The following SEMA6D variants were observed in gnomAD, a reference collection of about 807,000 sequenced individuals.
SEMA6D encodes the protein semaphorin 6D.
In SEMA6D, 35 loss-of-function variants were observed where a neutral mutation model predicts 106.6. The observed-to-expected ratio is 0.33, with a 90% CI of 0.25 to 0.44. The LOEUF (loss-of-function observed/expected upper bound fraction) is 0.44. SEMA6D is among the 20% of genes least tolerant of loss of function. The pLI is 1.00. For missense variants in SEMA6D, 1,185 were observed against 1,345.9 expected (o/e 0.88, Z 1.87); for synonymous variants, 499 against 487.7 (o/e 1.02, Z -0.31).
chr15:47,195,181 G>GA (rs1363777947), intron 1 of SEMA6D, among the ~76,000 whole-genome samples: 2 of 151,936 alleles, frequency 1.3e-5, no homozygotes, highest in Non-Finnish European at 2.9e-5. Flanking sequence ...GGACAGTGGA[G>GA]AAAAAAAGAG....
At chr15:47,274,514 C>A (rs1484191938) in intron 1 of SEMA6D, among the ~76,000 whole-genome samples, 1 of 151,950 alleles carries the variant, frequency 6.6e-6, no homozygotes, top group Non-Finnish European at 1.5e-5. Context: ...TAGTAAAAAT[C>A]TGGAATGATA....
At chr15:47,768,883 G>A in intron 18 of SEMA6D, 135 bp downstream of exon 18, 1 of 704,250 alleles carries the variant, frequency 1.4e-6, no homozygotes, top group Non-Finnish European at 2.3e-6. Flanking sequence ...CCTTGCCACA[G>A]TCTCTCTGGC....
At chr15:47,613,176 T>C (rs1255759445) in intron 4 of SEMA6D, among the ~76,000 whole-genome samples, 4 of 152,164 alleles carry the variant, frequency 2.6e-5, no homozygotes, top group Non-Finnish European at 5.9e-5. Flanking sequence ...CCCCCACACA[T>C]ACACCGTCAC....
At chr15:47,243,090 T>G (rs1446523325) in intron 1 of SEMA6D, among the ~76,000 whole-genome samples, 2 of 152,158 alleles carry the variant, frequency 1.3e-5, no homozygotes, top group Non-Finnish European at 2.9e-5. Flanking sequence ...TTTTGCTTTG[T>G]GGGCTGCCTG....
chr15:47,769,972 T>C (rs1438753982), intron 18 of SEMA6D, among the ~76,000 whole-genome samples: 1 of 152,116 alleles, frequency 6.6e-6, no homozygotes, highest in African/African-American at 2.4e-5. Context: ...TAGCTAACAG[T>C]GATCAAGCAG....
At chr15:47,338,125 A>C (rs1283481709) in intron 1 of SEMA6D, among the ~76,000 whole-genome samples, 19 of 152,218 alleles carry the variant, frequency 1.2e-4, no homozygotes, top group Admixed American at 1.2e-3. Context: ...TGTTGCCTAC[A>C]ATCTAGACTG....
At chr15:47,437,944 T>C (rs746180389) in intron 2 of SEMA6D, among the ~76,000 whole-genome samples, 1 of 152,248 alleles carries the variant, frequency 6.6e-6, no homozygotes, top group Non-Finnish European at 1.5e-5. Flanking sequence ...CTGGGATGAA[T>C]TGATGTGTGT....
intron 1 of SEMA6D, among the ~76,000 whole-genome samples, chr15:47,386,016 T>C (rs540667234): frequency 1.3e-5 from 2 of 152,350 alleles, no homozygotes; most frequent in East Asian, 3.9e-4. Flanking sequence ...AAAATAGATT[T>C]GATAATGCAT....
At chr15:47,766,979 A>C (rs1702804595) in intron 16 of SEMA6D, 58 bp from the exon 17 acceptor site, 1 of 1,003,046 alleles carries the variant, frequency 1.0e-6, no homozygotes, top group African/African-American at 1.7e-5. Context: ...GGAATTCATA[A>C]ATTTTTGCTT....
At chr15:47,461,595 C>A (rs2042512062) in intron 2 of SEMA6D, among the ~76,000 whole-genome samples, 1 of 151,856 alleles carries the variant, frequency 6.6e-6, no homozygotes, top group Non-Finnish European at 1.5e-5. Flanking sequence ...ATAATAATGC[C>A]CATAGCAATT....
chr15:47,559,095 G>A (rs767753284), intron 3 of SEMA6D, among the ~76,000 whole-genome samples: 1 of 152,088 alleles, frequency 6.6e-6, no homozygotes, highest in Non-Finnish European at 1.5e-5. Context: ...CATTTTGTTT[G>A]TCTAGTGTAT....
intron 3 of SEMA6D, among the ~76,000 whole-genome samples, chr15:47,520,490 G>A (rs2044539116): frequency 6.6e-6 from 1 of 152,192 alleles, no homozygotes; most frequent in African/African-American, 2.4e-5. Context: ...TCTTGGACAA[G>A]ACCTACAGTA....
chr15:47,407,409 C>CAAAAAAAAA (rs1323921492), intron 1 of SEMA6D, among the ~76,000 whole-genome samples: 1 of 118,866 alleles, frequency 8.4e-6, no homozygotes. Flanking sequence ...ACAACAACAA[C>CAAAAAAAAA]AAAAAAAACA....
chr15:47,517,544 A>G (rs923712145), intron 3 of SEMA6D, among the ~76,000 whole-genome samples: 3 of 152,202 alleles, frequency 2.0e-5, no homozygotes, highest in Non-Finnish European at 2.9e-5. Flanking sequence ...GGAACAAAAT[A>G]TAACCTGAAA....
intron 1 of SEMA6D, among the ~76,000 whole-genome samples, chr15:47,207,993 GCACACACACA>G (rs57079521): frequency 0.047 from 4,185 of 89,360 alleles, 109 homozygotes; most frequent in Middle Eastern, 0.071. Flanking sequence ...TGGCGCGCGC[GCACACACACA>G]CACACACACA....
At chr15:47,311,264 C>A (rs186898440) in intron 1 of SEMA6D, among the ~76,000 whole-genome samples, 7 of 152,214 alleles carry the variant, frequency 4.6e-5, no homozygotes, top group African/African-American at 1.7e-4. Flanking sequence ...ATTCGGTTGC[C>A]CATACACTCA....
In SEMA6D at chr15:47,688,901, T is replaced by C. The variant is rs1596640356; in HGVS notation, c.-54-70844T>C. 2.0e-5 allele frequency among the ~76,000 whole-genome samples: 3 copies of C among 152,288 alleles called. No homozygotes were observed. The East Asian group carries it at 5.8e-4, about 29-fold the overall frequency. On this transcript the variant is annotated intron_variant, in intron 4 of 19. Coordinates refer to the SEMA6D transcript ENST00000558014. The stretch of plus-strand genomic sequence containing the variant: ...TTGGATGAAAGGACTGTTTAAAAAA[T>C]GAGGGCTTTCAGGGAGGCAAAGGAA...
chr15:47,440,345 A>T (rs1488195914), intron 2 of SEMA6D, among the ~76,000 whole-genome samples: 1 of 152,012 alleles, frequency 6.6e-6, no homozygotes, highest in Non-Finnish European at 1.5e-5. Flanking sequence ...CAAATCGGGG[A>T]TAGGGATTTT....
chr15:47,208,943 G>A (rs1234465377), intron 1 of SEMA6D, among the ~76,000 whole-genome samples: 1 of 152,108 alleles, frequency 6.6e-6, no homozygotes, highest in Non-Finnish European at 1.5e-5. Flanking sequence ...TAACAATAAA[G>A]GAAGAATTTT....
Sources: gnomAD v4.1 joint callset for allele counts (sites outside exome capture counted in the v4.1 genomes callset) on GRCh38, gnomAD v4.1.1 for gene constraint, MANE v1.5 for transcripts, NCBI Gene and HGNC (gene_info 2026-07-23, HGNC 2026-07-21) for gene names.